The following NCOA2 variants were observed in gnomAD, a reference collection of about 807,000 sequenced individuals.
NCOA2 encodes the protein class E basic helix-loop-helix protein 75.
In NCOA2, 21 loss-of-function variants were observed where a neutral mutation model predicts 145.1. The ratio of observed to expected loss-of-function variants is 0.14; its 90% confidence interval spans 0.10 to 0.21. The LOEUF is 0.21. Ranked by LOEUF, NCOA2 falls within the 10% of genes least tolerant of loss-of-function variation. The pLI, the probability that NCOA2 is intolerant of heterozygous loss-of-function variation, is 1.00. For missense variants in NCOA2, 1,472 were observed against 1,837.6 expected, an observed-to-expected ratio of 0.80 and a Z score of 3.64; for synonymous variants, 619 against 637.5, an observed-to-expected ratio of 0.97 and a Z score of 0.44.
chr8:70,358,964 C>T (rs1809978333), intron 1 of NCOA2, among the ~76,000 whole-genome samples: 1 of 152,028 alleles, frequency 6.6e-6, no homozygotes, highest in African/African-American at 2.4e-5. Context: ...GGCCAATAAG[C>T]ACATGAAAGA....
At chr8:70,440,928 A>G in the NCOA2 span, among the ~76,000 whole-genome samples, 1 of 151,132 alleles carries the variant, frequency 6.6e-6, no homozygotes, top group African/African-American at 2.4e-5. Context: ...GGTCGTGGTC[A>G]CAGGTGGGAG....
At chr8:70,307,770 G>C (rs1009956268) in intron 1 of NCOA2, among the ~76,000 whole-genome samples, 19 of 152,338 alleles carry the variant, frequency 1.2e-4, no homozygotes, top group African/African-American at 4.1e-4. Flanking sequence ...GAGCTCAGCA[G>C]ATTATACACA....
the NCOA2 span, among the ~76,000 whole-genome samples, chr8:70,454,214 T>A: frequency 6.6e-6 from 1 of 152,222 alleles, no homozygotes; most frequent in African/African-American, 2.4e-5. Context: ...TGTGTTTATA[T>A]AATACTCTAT....
intron 2 of NCOA2, among the ~76,000 whole-genome samples, chr8:70,224,341 T>A (rs1186606864): frequency 1.3e-5 from 2 of 152,254 alleles, no homozygotes; most frequent in Non-Finnish European, 2.9e-5. Context: ...AATTGGTTAA[T>A]TTAAAAAGTC....
At chr8:70,159,242 A>ATATATATATTTTTT in intron 10 of NCOA2, among the ~76,000 whole-genome samples, 1 of 61,076 alleles carries the variant, frequency 1.6e-5, no homozygotes, top group African/African-American at 5.4e-5. Flanking sequence ...ATATATATAT[A>ATATATATATTTTTT]TTTTTTTTTT....
chr8:70,257,507 A>G (rs1157377487), intron 2 of NCOA2, among the ~76,000 whole-genome samples: 2 of 152,350 alleles, frequency 1.3e-5, no homozygotes, highest in East Asian at 3.9e-4. Context: ...GATGATGATA[A>G]GCACTAAGGA....
At chr8:70,238,411 G>A (rs922968227) in intron 2 of NCOA2, among the ~76,000 whole-genome samples, 3 of 118,908 alleles carry the variant, frequency 2.5e-5, no homozygotes, top group African/African-American at 9.9e-5. Flanking sequence ...TTACAGAGGA[G>A]AAAACAGATT....
At chr8:70,429,732 C>A in the NCOA2 span, among the ~76,000 whole-genome samples, 1 of 152,096 alleles carries the variant, frequency 6.6e-6, no homozygotes, top group Admixed American at 6.5e-5. Flanking sequence ...ATTTCAAGAA[C>A]AGGATTAAAG....
chr8:70,343,059 T>C (rs1042874843), intron 1 of NCOA2, among the ~76,000 whole-genome samples: 1 of 152,190 alleles, frequency 6.6e-6, no homozygotes, highest in African/African-American at 2.4e-5. Flanking sequence ...TATCCTCCTA[T>C]GGTCAATAAA....
chr8:70,402,336 G>C (rs1028256147), intron 1 of NCOA2: 1 of 152,358 alleles, frequency 6.6e-6, no homozygotes, highest in Non-Finnish European at 1.5e-5. Context: ...GTTTGGGAAA[G>C]TTTCCCCTAC....
At chr8:70,240,630 T>C (rs1240496404) in intron 2 of NCOA2, among the ~76,000 whole-genome samples, 1 of 152,212 alleles carries the variant, frequency 6.6e-6, no homozygotes, top group Non-Finnish European at 1.5e-5. Flanking sequence ...ATATGAATGT[T>C]AGACAAGCTT....
Position 70,326,740 on chromosome 8 carries a change from ACT to A in NCOA2, c.-76-29942_-76-29941del, listed in dbSNP as rs1806622367. Among the ~76,000 whole-genome samples the A allele has an allele frequency of 2.0e-5, 3 of 152,200 alleles. No homozygotes were observed. The South Asian group carries it at 6.2e-4, about 31-fold the overall frequency. On this transcript the variant is annotated intron_variant, in intron 1 of 22. Coordinates refer to ENST00000452400, the MANE Select transcript of NCOA2 (RefSeq NM_006540.4). ...AGATTCACTCCTAGACATACTGGTAACTCAATATTCATGATCATCCAGATGCA... is the reference window on the plus strand; with the variant it reads ...AGATTCACTCCTAGACATACTGGTAACAATATTCATGATCATCCAGATGCA...
chr8:70,400,355 T>A (rs575910731), intron 1 of NCOA2, among the ~76,000 whole-genome samples: 1 of 152,278 alleles, frequency 6.6e-6, no homozygotes, highest in South Asian at 2.1e-4. Context: ...ACGATGCACA[T>A]CTTTTTCTAG....
chr8:70,122,567 A>G (rs1426856466), intron 21 of NCOA2, among the ~76,000 whole-genome samples: 3 of 152,118 alleles, frequency 2.0e-5, no homozygotes, highest in African/African-American at 7.2e-5. Flanking sequence ...AAAAGTCTGT[A>G]TTTCTTTATG....
the NCOA2 span, among the ~76,000 whole-genome samples, chr8:70,410,696 A>C: frequency 6.6e-6 from 1 of 152,236 alleles, no homozygotes; most frequent in African/African-American, 2.4e-5. Flanking sequence ...AAAGTGTGGT[A>C]TATTCGTACA....
At chr8:70,407,927 G>T (rs185084759), upstream of NCOA2, among the ~76,000 whole-genome samples, 371 of 152,216 alleles carry the variant, frequency 2.4e-3, 2 homozygotes, top group African/African-American at 8.4e-3. Flanking sequence ...TTTCCCACTT[G>T]AAAACACTTA....
At chr8:70,125,302 C>T (rs1461496118) in intron 19 of NCOA2, among the ~76,000 whole-genome samples, 2 of 152,094 alleles carry the variant, frequency 1.3e-5, no homozygotes, top group Admixed American at 6.5e-5. Flanking sequence ...TGCTCTGTTG[C>T]CCAGGCTGGA....
At chr8:70,394,808 T>C (rs1332970966) in intron 1 of NCOA2, among the ~76,000 whole-genome samples, 3 of 152,198 alleles carry the variant, frequency 2.0e-5, no homozygotes, top group Admixed American at 6.5e-5. Flanking sequence ...AGCTAAGGAA[T>C]GTAATACTCG....
the NCOA2 span, among the ~76,000 whole-genome samples, chr8:70,452,731 GA>G: frequency 6.4e-4 from 91 of 141,550 alleles, no homozygotes; most frequent in African/African-American, 1.3e-3. Context: ...ATTGCAAAAA[GA>G]AAAAAAAAAG....
Sources: gnomAD v4.1 joint callset for allele counts (sites outside exome capture counted in the v4.1 genomes callset) on GRCh38, gnomAD v4.1.1 for gene constraint, MANE v1.5 for transcripts, NCBI Gene and HGNC (gene_info 2026-07-23, HGNC 2026-07-21) for gene names.